TLN1: variants seen among roughly 807,000 people sequenced by gnomAD.
The protein encoded by TLN1 is talin 1.
A neutral mutation model predicts 292.3 loss-of-function variants in TLN1; 56 were observed. The observed-to-expected ratio is 0.19, with a 90% CI of 0.15 to 0.24. The LOEUF is 0.24. Among genes scored for constraint, TLN1 ranks in the 10% least tolerant of loss-of-function variants. The pLI is 1.00. For missense variants in TLN1, 2,433 were observed against 3,248.2 expected (o/e 0.75, Z 6.10); for synonymous variants, 1,119 against 1,253.7 (o/e 0.89, Z 2.27).
intron 33 of TLN1, 131 bp from the exon 34 acceptor site, chr9:35,708,615 T>A: frequency 1.2e-6 from 1 of 847,782 alleles, no homozygotes; most frequent in Non-Finnish European, 1.6e-6. Flanking sequence ...TCTCCATGAG[T>A]GGAGATACAT....
chr9:35,698,653 C>G lies in TLN1; in HGVS notation c.7152G>C (p.Leu2384=), dbSNP rs140913667. Residue 2384 remains leucine, a synonymous_variant, in exon 54 of 57, where the codon CTG becomes CTC. Coordinates refer to ENST00000314888, the MANE Select transcript of TLN1 (RefSeq NM_006289.4). The surrounding 1 kb of genome is among the most constrained non-coding windows in gnomAD (Gnocchi z 5.3). ...GKVGAIPANA[L]DDGQWSQGLI... ...GGCCCTGGGACCACTGCCCATCGTC[C>G]AGTGCATTGGCTGGAATGGCACCCA... The G allele has an allele frequency of 3.7e-5, 59 of 1,614,038 alleles. No homozygotes were observed. The highest frequency in any genetic ancestry group is 4.7e-5 in the Non-Finnish European group (56 of 1,180,052).
In TLN1 at chr9:35,724,730, G is replaced by A; in HGVS notation, c.359-6C>T. ...TTCATCATGATTGGTGATGCCTGAG[G>A]AAGGAGATGGCTTGTTAGCTTCCCA... is the stretch of plus-strand genomic sequence containing the variant. On this transcript the variant is annotated splice_region_variant and splice_polypyrimidine_tract_variant and intron_variant, in intron 4 of 56. Coordinates refer to ENST00000314888, the MANE Select transcript of TLN1 (RefSeq NM_006289.4). The surrounding 1 kb of genome is among the most constrained non-coding windows in gnomAD (Gnocchi z 4.7). The A allele has an allele frequency of 6.2e-7, 1 of 1,614,062 alleles. No homozygotes were observed. The highest frequency in any genetic ancestry group is 8.5e-7 in the Non-Finnish European group (1 of 1,180,014).
chr9:35,725,115 A>G (rs1825947185), intron 3 of TLN1, 109 bp downstream of exon 3: 2 of 1,528,346 alleles, frequency 1.3e-6, no homozygotes, highest in Non-Finnish European at 1.8e-6. Context: ...ATAGGAAGAA[A>G]GCATGGGGAG....
chr9:35,709,586 TATTTTAAGA>T (rs1262726062), intron 33 of TLN1, among the ~76,000 whole-genome samples: 11 of 152,322 alleles, frequency 7.2e-5, no homozygotes, highest in Admixed American at 3.9e-4. Context: ...TCACTAGTAC[TATTTTAAGA>T]AAGTAGTGAT....
Position 35,706,099 on chromosome 9 carries a change from T to G in TLN1, c.5374A>C (p.Thr1792Pro). The G allele has an allele frequency of 1.9e-6, 3 of 1,614,122 alleles. No homozygotes were observed. The highest frequency in any genetic ancestry group is 8.5e-7 in the Non-Finnish European group (1 of 1,180,006). ...AGGNPKQAAHTQEALEEAVQM... is the reference protein window; with the variant it reads ...AGGNPKQAAHPQEALEEAVQM... ...ACAGCCTCCTCCAGGGCTTCCTGGGTGTGAGCTGCTTGCTGTGGGGAGAGG... is the reference window on the plus strand; with the variant it reads ...ACAGCCTCCTCCAGGGCTTCCTGGGGGTGAGCTGCTTGCTGTGGGGAGAGG... Residue 1792 changes from threonine to proline, a missense_variant, in exon 41 of 57, where the codon ACC (threonine) becomes CCC (proline). Coordinates refer to ENST00000314888, the MANE Select transcript of TLN1 (RefSeq NM_006289.4). This position sits in a 1 kb window ranked among gnomAD's most constrained non-coding sequence, Gnocchi z 4.2.
Position 35,697,588 on chromosome 9 carries a change from G to A in TLN1, c.*203C>T, listed in dbSNP as rs11541911. ...ACTCTGGGGAGGGGCAGGCACTTGG[G>A]GGGCCCTAGGGCATGAAGGCACTTG... On this transcript the variant is annotated 3_prime_UTR_variant, in exon 57 of 57. Transcript: ENST00000314888. The A allele has an allele frequency of 7.4e-3, 4,832 of 654,146 alleles. 28 individuals are homozygous for A. The highest frequency in any genetic ancestry group is 0.011 in the Non-Finnish European group (4,210 of 388,732). 40.5% of individuals were successfully genotyped at this position (654,146 alleles called of 1,614,324 possible).
rs569174938 is a variant in TLN1, at chr9:35,721,335, C to A, written c.1104+313G>T. Among the ~76,000 whole-genome samples the A allele has an allele frequency of 7.2e-5, 11 of 152,230 alleles. 1 individual carries two copies. In the South Asian group the frequency reaches 1.2e-3, roughly 17 times the overall value. On this transcript the variant is annotated intron_variant, in intron 10 of 56. Transcript: ENST00000314888. ...AATTCATAACCCTATAATATAAAGT[C>A]AAAAATTCACTGTATATAGCTGCTG...
chr9:35,704,601 G>C lies in TLN1; in HGVS notation c.5880+68C>G. On this transcript the variant is annotated intron_variant, in intron 44 of 56. Coordinates refer to ENST00000314888, the MANE Select transcript of TLN1 (RefSeq NM_006289.4). The surrounding 1 kb of genome is among the most constrained non-coding windows in gnomAD (Gnocchi z 6.9). ...ACAACAGGAGAGGGCTGAGAGGGCT[G>C]GAGGAGGATGGCAAAGGCTACAGAG... 6.3e-7 allele frequency: 1 copy of C among 1,599,898 alleles called. No individual in the cohort carries two copies. The highest frequency in any genetic ancestry group is 1.1e-5 in the South Asian group (1 of 89,776).
rs1295490043 is a variant in TLN1, at chr9:35,714,476, T to C, written c.2985+98A>G. 49 of 1,579,308 alleles carry C rather than the reference T, an allele frequency of 3.1e-5. No individual in the cohort carries two copies. The South Asian group carries it at 4.0e-4, about 13-fold the overall frequency. Reference sequence around the variant, plus strand: ...ATGTAGGGAACACTGGGGCTTGGTATTGGGAAAGAGGCTCTTGGCAGAGAT... The same window carrying C: ...ATGTAGGGAACACTGGGGCTTGGTACTGGGAAAGAGGCTCTTGGCAGAGAT... On this transcript the variant is annotated intron_variant, in intron 23 of 56. Transcript: ENST00000314888. This position sits in a 1 kb window ranked among gnomAD's most constrained non-coding sequence, Gnocchi z 4.6.
rs1238636060 is a variant in TLN1 at position 35,706,389 on chromosome 9, G to A, written c.5191-23C>T. 2 of 1,611,840 alleles carry A rather than the reference G, an allele frequency of 1.2e-6. No homozygotes were observed. The highest frequency in any genetic ancestry group is 4.5e-5 in the East Asian group (2 of 44,862). On this transcript the variant is annotated intron_variant, in intron 39 of 56. Transcript: ENST00000314888. This position sits in a 1 kb window ranked among gnomAD's most constrained non-coding sequence, Gnocchi z 4.2. ...CACCTGAGGCAAGGGGTTGGACTAGGGGTCAGGTCCCCTCTCTCTCACCCT... is the reference window on the plus strand; with the variant it reads ...CACCTGAGGCAAGGGGTTGGACTAGAGGTCAGGTCCCCTCTCTCTCACCCT...
rs771935637 is a variant in TLN1, at chr9:35,700,081, C to T, written c.6661G>A (p.Glu2221Lys). 1 of 1,610,514 alleles carries T rather than the reference C, an allele frequency of 6.2e-7. No individual in the cohort carries two copies. Among genetic ancestry groups the T allele is most frequent in the Non-Finnish European group, 8.5e-7 (1 of 1,177,320 alleles). The change falls in exon 50 of 57, where the codon GAA (glutamate) becomes AAA (lysine). Residue 2221 changes from glutamate (E) to lysine (K), a missense_variant and splice_region_variant. By Grantham distance (56) the Glu-to-Lys change is moderately conservative (BLOSUM62 1). Coordinates refer to ENST00000314888, the MANE Select transcript of TLN1 (RefSeq NM_006289.4). ...AIADMLRACK[E>K]AAYHPEVAPD... is the part of the protein sequence containing the mutation. Reference sequence around the variant, plus strand: ...GCCACTTCTGGGTGGTAAGCTGCTTCCTGTCCCCAGAGTAATATGTTAGCT... The same window carrying T: ...GCCACTTCTGGGTGGTAAGCTGCTTTCTGTCCCCAGAGTAATATGTTAGCT...
intron 48 of TLN1, among the ~76,000 whole-genome samples, chr9:35,701,912 C>T (rs1349316172): frequency 6.6e-6 from 1 of 152,116 alleles, no homozygotes; most frequent in Non-Finnish European, 1.5e-5. Flanking sequence ...GGCAGAAAGT[C>T]AAGAGTTCCA....
At chr9:35,722,423 G>A (rs1435040796) in intron 8 of TLN1, among the ~76,000 whole-genome samples, 200 bp from the exon 9 acceptor site, 1 of 152,198 alleles carries the variant, frequency 6.6e-6, no homozygotes, top group African/African-American at 2.4e-5. Context: ...TACAGTCAAG[G>A]AACTTGCAGA....
chr9:35,714,884 G>A lies in TLN1; in HGVS notation c.2755-8C>T, dbSNP rs1043032131. On this transcript the variant is annotated splice_region_variant and splice_polypyrimidine_tract_variant and intron_variant, in intron 21 of 56. Transcript: ENST00000314888. The surrounding 1 kb of genome is among the most constrained non-coding windows in gnomAD (Gnocchi z 4.6). ...AGCCTGCTTGGCTGCATGCTGTGAAGACAAGAGTAGTCAGACCAAGCCCAT... is the reference window on the plus strand; with the variant it reads ...AGCCTGCTTGGCTGCATGCTGTGAAAACAAGAGTAGTCAGACCAAGCCCAT... 1.9e-6 allele frequency: 3 copies of A among 1,580,412 alleles called. No individual in the cohort carries two copies. Among genetic ancestry groups the A allele is most frequent in the African/African-American group, 2.7e-5 (2 of 74,234 alleles).
At chr9:35,715,290 C>A in intron 20 of TLN1, 103 bp from the exon 21 acceptor site, 2 of 1,459,178 alleles carry the variant, frequency 1.4e-6, no homozygotes, top group Non-Finnish European at 1.8e-6. Flanking sequence ...CATGTATTTT[C>A]CTGAAGTCAT....
In TLN1 at chr9:35,704,736, T is replaced by C; in HGVS notation, c.5813A>G (p.Gln1938Arg). The C allele has an allele frequency of 6.2e-7, 1 of 1,614,192 alleles. No individual in the cohort carries two copies. The highest frequency in any genetic ancestry group is 8.5e-7 in the Non-Finnish European group (1 of 1,180,030). Reference sequence around the variant, plus strand: ...GGTGTAGGCATCACTGGGGCTGCACTGCAGGGCGCCTGCCTTGGTGACCAG... The same window carrying C: ...GGTGTAGGCATCACTGGGGCTGCACCGCAGGGCGCCTGCCTTGGTGACCAG... ...AALVTKAGAL[Q>R]CSPSDAYTKK... The change falls in exon 44 of 57, where the codon CAG (glutamine) becomes CGG (arginine). Residue 1938 changes from glutamine (Q) to arginine (R), a missense_variant. By Grantham distance (43) the Gln-to-Arg change is conservative. Around this residue, in one of 7 missense-constraint regions of TLN1, gnomAD observed 1,384 missense variants for 1,699.6 expected, o/e 0.81. Coordinates refer to ENST00000314888, the MANE Select transcript of TLN1 (RefSeq NM_006289.4). The surrounding 1 kb of genome is among the most constrained non-coding windows in gnomAD (Gnocchi z 6.9).
Position 35,698,945 on chromosome 9 carries a change from G to A in TLN1, c.7000-12C>T, listed in dbSNP as rs41298202. On this transcript the variant is annotated splice_polypyrimidine_tract_variant and intron_variant, in intron 52 of 56. Coordinates refer to ENST00000314888, the MANE Select transcript of TLN1 (RefSeq NM_006289.4). The surrounding 1 kb of genome is among the most constrained non-coding windows in gnomAD (Gnocchi z 5.3). Reference sequence around the variant, plus strand: ...GACTCATCTGCCTCCTGCAATAAGCGAAGGTTGCAGAAAGAGATGTAAAGT... The same window carrying A: ...GACTCATCTGCCTCCTGCAATAAGCAAAGGTTGCAGAAAGAGATGTAAAGT... 0.028 allele frequency: 44,415 copies of A among 1,612,932 alleles called. 824 individuals carry two copies. The highest frequency in any genetic ancestry group is 0.03 in the Non-Finnish European group (35,927 of 1,178,974).
In TLN1 at chr9:35,717,263, G is replaced by A. The variant is rs771897356; in HGVS notation, c.2341C>T (p.Leu781=). The change falls in exon 19 of 57, where the codon CTG becomes TTG. Residue 781 remains leucine (L), a synonymous_variant. Coordinates refer to ENST00000314888, the MANE Select transcript of TLN1 (RefSeq NM_006289.4). The surrounding 1 kb of genome is among the most constrained non-coding windows in gnomAD (Gnocchi z 4.7). ...GCATGGGCTTTCACATGCTGCAGCA[G>A]CTCATTTAGGGCCTGGGTGACAGCT... ...ATAVTQALNE[L]LQHVKAHATG... 4 of 1,614,192 alleles carry A rather than the reference G, an allele frequency of 2.5e-6. No individual in the cohort carries two copies. In the Admixed American group the frequency reaches 5.0e-5, roughly 20 times the overall value.
intron 20 of TLN1, 131 bp downstream of exon 20, chr9:35,716,259 A>T: frequency 2.3e-6 from 2 of 883,186 alleles, no homozygotes; most frequent in Non-Finnish European, 3.3e-6. Flanking sequence ...TCATTTCCTG[A>T]GTGCTCCTAT....
Sources: gnomAD v4.1 joint callset for allele counts (sites outside exome capture counted in the v4.1 genomes callset) on GRCh38, gnomAD v4.1.1 for gene constraint, gnomAD v4.1.1 regional missense constraint, Gnocchi (gnomAD v3.1) non-coding constraint, MANE v1.5 for transcripts, NCBI Gene and HGNC (gene_info 2026-07-23, HGNC 2026-07-21) for gene names.